The following MBNL2 variants were observed in gnomAD, a reference collection of about 807,000 sequenced individuals.
MBNL2 encodes the protein muscleblind like splicing regulator 2.
MBNL2 carries 17 observed loss-of-function variants against 41.9 expected under a neutral mutation model. The ratio of observed to expected loss-of-function variants is 0.41; its 90% CI spans 0.28 to 0.61. MBNL2 has a LOEUF of 0.61. Among genes scored for constraint, MBNL2 ranks in the 20% least tolerant of loss-of-function variants. The probability of loss-of-function intolerance (pLI) is 0.35; values close to 1 mark genes in which losing one functional copy is unlikely to be tolerated. For synonymous variants in MBNL2, 195 were observed against 182.9 expected (o/e 1.07, Z -0.53); for missense variants, 336 against 505.6 (o/e 0.66, Z 3.22).
chr13:97,343,407 T>C (rs2061582016), intron 4 of MBNL2, among the ~76,000 whole-genome samples, 191 bp downstream of exon 4: 1 of 152,156 alleles, frequency 6.6e-6, no homozygotes, highest in African/African-American at 2.4e-5. Context: ...AGGAAATTAG[T>C]CTATGGAAAA....
chr13:97,333,762 T>C (rs572090826), intron 2 of MBNL2, among the ~76,000 whole-genome samples: 1 of 151,548 alleles, frequency 6.6e-6, no homozygotes. Flanking sequence ...CACTCTAGCA[T>C]GTACAGACAA....
chr13:97,346,243 AGATGGATG>A lies in MBNL2; in HGVS notation c.541-537_541-530del, dbSNP rs3055758. Among the ~76,000 whole-genome samples the A allele has an allele frequency of 0.066, 9,926 of 151,000 alleles. 1,016 individuals are homozygous for A. Among genetic ancestry groups the A allele is most frequent in the African/African-American group, 0.22 (8,950 of 40,980 alleles). ...AAATAATGATAGATTAACAGATAAT[AGATGGATG>A]GATGGATGGATGGATGGATGGATAG... On this transcript the variant is annotated intron_variant, in intron 4 of 8. Coordinates refer to ENST00000679496, the MANE Select transcript of MBNL2 (RefSeq NM_001382683.1). The surrounding 1 kb of genome is among the most constrained non-coding windows in gnomAD (Gnocchi z 4.2).
the MBNL2 span, among the ~76,000 whole-genome samples, chr13:97,196,208 G>C: frequency 3.3e-5 from 5 of 152,268 alleles, no homozygotes; most frequent in African/African-American, 9.6e-5. Context: ...GGATCCAACT[G>C]ATATAGGAAA....
At chr13:97,289,303 G>A (rs1430105253) in intron 2 of MBNL2, among the ~76,000 whole-genome samples, 2 of 152,146 alleles carry the variant, frequency 1.3e-5, no homozygotes, top group African/African-American at 4.8e-5. Flanking sequence ...AACATTTCAA[G>A]TGCTCCCAGC....
the MBNL2 span, among the ~76,000 whole-genome samples, chr13:97,161,690 T>C: frequency 6.6e-6 from 1 of 152,222 alleles, no homozygotes; most frequent in African/African-American, 2.4e-5. Context: ...TCATGAATTA[T>C]ATCATCACAC....
the MBNL2 span, among the ~76,000 whole-genome samples, chr13:97,187,936 A>G: frequency 6.6e-6 from 1 of 151,784 alleles, no homozygotes; most frequent in Non-Finnish European, 1.5e-5. Context: ...CTGGCACAAT[A>G]TATTTCTTTA....
At chr13:97,293,759 A>G (rs1471104736) in intron 2 of MBNL2, among the ~76,000 whole-genome samples, 1 of 152,004 alleles carries the variant, frequency 6.6e-6, no homozygotes, top group Non-Finnish European at 1.5e-5. Flanking sequence ...TCAATATGCA[A>G]TTAACCTTTT....
upstream of MBNL2, among the ~76,000 whole-genome samples, chr13:97,217,312 C>T (rs1158563676): frequency 2.0e-5 from 3 of 152,124 alleles, no homozygotes; most frequent in South Asian, 4.1e-4. Context: ...TTATGCAATG[C>T]ATGTTCTAGG....
At chr13:97,316,343 C>T (rs2059051991) in intron 2 of MBNL2, among the ~76,000 whole-genome samples, 1 of 152,222 alleles carries the variant, frequency 6.6e-6, no homozygotes, top group East Asian at 1.9e-4. Context: ...CTGATGCCAC[C>T]TCTGGCCCCT....
the MBNL2 span, among the ~76,000 whole-genome samples, chr13:97,204,393 CA>C: frequency 6.6e-6 from 1 of 152,092 alleles, no homozygotes; most frequent in African/African-American, 2.4e-5. Context: ...TCTAAAATAA[CA>C]AAACATCCAT....
chr13:97,299,362 G>A (rs1169519801), intron 2 of MBNL2, among the ~76,000 whole-genome samples: 2 of 151,942 alleles, frequency 1.3e-5, no homozygotes, highest in African/African-American at 4.8e-5. Flanking sequence ...TATATTCCAG[G>A]GAGAGAGAGA....
chr13:97,365,858 G>C (rs1459346745), intron 8 of MBNL2, among the ~76,000 whole-genome samples: 1 of 152,112 alleles, frequency 6.6e-6, no homozygotes, highest in African/African-American at 2.4e-5. Flanking sequence ...GGCTATTTCA[G>C]AGTAACTGTA....
At chr13:97,200,650 A>G in the MBNL2 span, among the ~76,000 whole-genome samples, 1 of 152,232 alleles carries the variant, frequency 6.6e-6, no homozygotes, top group Non-Finnish European at 1.5e-5. Flanking sequence ...AAAATTTGCA[A>G]TTCACTGAAT....
At chr13:97,358,476 T>TA (rs2063158183) in intron 7 of MBNL2, among the ~76,000 whole-genome samples, 1 of 152,030 alleles carries the variant, frequency 6.6e-6, no homozygotes, top group Non-Finnish European at 1.5e-5. Context: ...AAAAAGCAGA[T>TA]AAAAGTGAAT....
the MBNL2 span, among the ~76,000 whole-genome samples, chr13:97,189,561 C>A: frequency 2.0e-5 from 3 of 152,154 alleles, no homozygotes; most frequent in African/African-American, 7.2e-5. Context: ...AATGCATATG[C>A]ATATACATAT....
chr13:97,313,177 C>G (rs563866918), intron 2 of MBNL2, among the ~76,000 whole-genome samples: 1 of 152,198 alleles, frequency 6.6e-6, no homozygotes, highest in African/African-American at 2.4e-5. Context: ...GTGGTGCTCC[C>G]TAAATTCTAA....
At chr13:97,350,038 G>T (rs960211080) in intron 5 of MBNL2, among the ~76,000 whole-genome samples, 12 of 152,124 alleles carry the variant, frequency 7.9e-5, no homozygotes, top group Admixed American at 7.2e-4. Context: ...TGGTCACTGA[G>T]GTATGGAATG....
At chr13:97,151,472 G>A in the MBNL2 span, among the ~76,000 whole-genome samples, 61 of 152,188 alleles carry the variant, frequency 4.0e-4, no homozygotes, top group South Asian at 2.5e-3. Flanking sequence ...GGTGCTCTGC[G>A]TATGTTTCAC....
chr13:97,192,722 G>T, the MBNL2 span, among the ~76,000 whole-genome samples: 1 of 152,202 alleles, frequency 6.6e-6, no homozygotes, highest in Non-Finnish European at 1.5e-5. Flanking sequence ...GACTTAGGGT[G>T]GGCCCAGGAA....
Sources: allele counts gnomAD v4.1 joint callset (sites outside exome capture counted in the v4.1 genomes callset), GRCh38; gene constraint gnomAD v4.1.1; non-coding constraint Gnocchi (gnomAD v3.1); transcripts MANE v1.5; gene names NCBI Gene and HGNC (gene_info 2026-07-23, HGNC 2026-07-21).